Variants in SHTN1 observed in about 807,000 individuals in gnomAD.
SHTN1 encodes the protein shootin 1.
In SHTN1, 42 loss-of-function variants were observed where a neutral mutation model predicts 83.1. The observed-to-expected ratio is 0.51, with a 90% CI of 0.39 to 0.65. The LOEUF is 0.65. SHTN1 is among the 30% of genes least tolerant of loss of function. The probability of loss-of-function intolerance (pLI) is 0.00; values close to 1 mark genes in which losing one functional copy is unlikely to be tolerated. For missense variants in SHTN1, 622 were observed against 737.8 expected (o/e 0.84, Z 1.82); for synonymous variants, 224 against 247.7 (o/e 0.90, Z 0.90).
rs572982635 is a variant in SHTN1 at position 117,100,985 on chromosome 10, C to T, written c.-189+25322G>A. Among the ~76,000 whole-genome samples the T allele has an allele frequency of 8.0e-4, 122 of 152,264 alleles. 2 individuals are homozygous for T. In the South Asian group the frequency reaches 0.023, roughly 28 times the overall value. On this transcript the variant is annotated intron_variant, in intron 1 of 17. Coordinates refer to the SHTN1 transcript ENST00000392901. ...GAGTCACATTATGCAGAACCTTATA[C>T]GCCTTGGTAAAGACTGGATTTTAGG...
At chr10:116,971,695 T>C (rs553452157) in intron 2 of SHTN1, among the ~76,000 whole-genome samples, 25 of 152,312 alleles carry the variant, frequency 1.6e-4, no homozygotes, top group African/African-American at 5.8e-4. Flanking sequence ...GTGAAATATA[T>C]CTGGTGCTTT....
At chr10:117,070,367 T>C (rs1853062483) in intron 1 of SHTN1, among the ~76,000 whole-genome samples, 2 of 152,128 alleles carry the variant, frequency 1.3e-5, no homozygotes, top group Non-Finnish European at 2.9e-5. Context: ...AGATTTTCTT[T>C]TGAAGTCCCT....
intron 5 of SHTN1, among the ~76,000 whole-genome samples, 175 bp downstream of exon 5, chr10:116,953,867 G>A (rs1160263711): frequency 6.6e-6 from 1 of 152,082 alleles, no homozygotes; most frequent in East Asian, 1.9e-4. Context: ...GACCTCAGGT[G>A]ATCCACCCGC....
intron 1 of SHTN1, among the ~76,000 whole-genome samples, chr10:116,983,679 GATAGATAAATAC>G (rs200895167): frequency 0.041 from 737 of 18,072 alleles, 8 homozygotes; most frequent in Admixed American, 0.053. Context: ...TAGATAGATA[GATAGATAAATAC>G]ATACATACAT....
At chr10:117,026,390 C>A (rs1852332731) in intron 2 of SHTN1, among the ~76,000 whole-genome samples, 1 of 151,564 alleles carries the variant, frequency 6.6e-6, no homozygotes, top group African/African-American at 2.4e-5. Context: ...AGTACCAGCT[C>A]AGCCACAGTA....
At chr10:116,943,122 T>C (rs1407589379) in intron 8 of SHTN1, among the ~76,000 whole-genome samples, 2 of 152,218 alleles carry the variant, frequency 1.3e-5, no homozygotes, top group African/African-American at 4.8e-5. Flanking sequence ...GTAAGTACCA[T>C]TGCTCTTGCT....
At chr10:117,091,597 C>G (rs1853430980) in intron 1 of SHTN1, among the ~76,000 whole-genome samples, 1 of 152,200 alleles carries the variant, frequency 6.6e-6, no homozygotes, top group African/African-American at 2.4e-5. Flanking sequence ...AGCCCATTTC[C>G]AAGCAGCCTC....
intron 9 of SHTN1, among the ~76,000 whole-genome samples, chr10:116,934,798 T>C (rs1156467627): frequency 1.3e-5 from 2 of 152,214 alleles, no homozygotes; most frequent in Non-Finnish European, 2.9e-5. Context: ...TTCCTATCCA[T>C]GAGTATGGAA....
At chr10:116,939,357 C>A (rs920075379) in intron 9 of SHTN1, among the ~76,000 whole-genome samples, 2 of 152,184 alleles carry the variant, frequency 1.3e-5, no homozygotes, top group Admixed American at 6.5e-5. Flanking sequence ...AGCGTAGTAT[C>A]TGGGCTGGAG....
intron 1 of SHTN1, among the ~76,000 whole-genome samples, chr10:116,996,398 A>G (rs545711356): frequency 6.6e-6 from 1 of 152,198 alleles, no homozygotes; most frequent in Non-Finnish European, 1.5e-5. Flanking sequence ...TTCTGAAGCT[A>G]TGCAAGCTAA....
At chr10:116,998,937 C>G (rs1429575418) in intron 1 of SHTN1, among the ~76,000 whole-genome samples, 1 of 152,050 alleles carries the variant, frequency 6.6e-6, no homozygotes, top group Non-Finnish European at 1.5e-5. Flanking sequence ...ACCATCCATA[C>G]CTGTATTAAG....
chr10:116,956,432 C>T (rs1466493280), intron 4 of SHTN1, among the ~76,000 whole-genome samples: 1 of 152,134 alleles, frequency 6.6e-6, no homozygotes, highest in Non-Finnish European at 1.5e-5. Flanking sequence ...CTGTATCCCA[C>T]AATATGATGA....
intron 2 of SHTN1, among the ~76,000 whole-genome samples, chr10:117,036,204 A>G (rs1019844494): frequency 1.3e-5 from 2 of 152,106 alleles, no homozygotes; most frequent in African/African-American, 4.8e-5. Flanking sequence ...ATTTAGTACA[A>G]CCACTATGGA....
chr10:116,901,199 C>A (rs1452494716), intron 16 of SHTN1: 17 of 985,270 alleles, frequency 1.7e-5, no homozygotes, highest in Admixed American at 1.2e-4. Context: ...TGATCCTCCA[C>A]TAGATCTGTC....
At chr10:117,035,803 G>A (rs1248437807) in intron 2 of SHTN1, among the ~76,000 whole-genome samples, 2 of 87,502 alleles carry the variant, frequency 2.3e-5, no homozygotes, top group Non-Finnish European at 5.2e-5. Flanking sequence ...AAAATTAGCC[G>A]GGTGTGGTAG....
intron 15 of SHTN1, among the ~76,000 whole-genome samples, chr10:116,904,818 C>G (rs774561305): frequency 1.6e-4 from 24 of 152,176 alleles, no homozygotes; most frequent in Non-Finnish European, 3.1e-4. Context: ...AGTGAAGTAA[C>G]AATGTTTCTG....
chr10:116,926,243 T>A (rs1191630146), intron 11 of SHTN1, among the ~76,000 whole-genome samples: 1 of 152,160 alleles, frequency 6.6e-6, no homozygotes, highest in Non-Finnish European at 1.5e-5. Context: ...TTTCTGAGAA[T>A]AAAAATTAAA....
intron 4 of SHTN1, among the ~76,000 whole-genome samples, chr10:116,955,057 ATGT>A (rs2133428830): frequency 7.0e-6 from 1 of 142,038 alleles, no homozygotes; most frequent in Non-Finnish European, 1.5e-5. Flanking sequence ...CTAGTTCAAG[ATGT>A]TGTTTCTACT....
intron 1 of SHTN1, among the ~76,000 whole-genome samples, chr10:117,104,105 C>G (rs928045356): frequency 2.0e-5 from 3 of 152,144 alleles, no homozygotes; most frequent in Admixed American, 6.5e-5. Flanking sequence ...ACATGTTTAT[C>G]TGGCACCAAA....
Sources: gnomAD v4.1 joint callset for allele counts (sites outside exome capture counted in the v4.1 genomes callset) on GRCh38, gnomAD v4.1.1 for gene constraint, MANE v1.5 for transcripts, NCBI Gene and HGNC (gene_info 2026-07-23, HGNC 2026-07-21) for gene names.